The following NPAS3 variants were observed in gnomAD, a reference collection of about 807,000 sequenced individuals.
NPAS3 encodes the protein neuronal PAS domain-containing protein 3.
A neutral mutation model predicts 73.1 loss-of-function variants in NPAS3; 14 were observed. That is an observed-to-expected ratio of 0.19 (90% CI 0.13 to 0.30). NPAS3 has a LOEUF of 0.30. NPAS3 is among the 10% of genes least tolerant of loss of function. The pLI, the probability that NPAS3 is intolerant of heterozygous loss-of-function variation, is 1.00. For synonymous variants in NPAS3, 620 were observed against 541.5 expected (o/e 1.14, Z -2.01); for missense variants, 1,096 against 1,250.0 (o/e 0.88, Z 1.86).
At chr14:33,443,796 G>A (rs1298836600) in intron 4 of NPAS3, among the ~76,000 whole-genome samples, 1 of 152,208 alleles carries the variant, frequency 6.6e-6, no homozygotes, top group Non-Finnish European at 1.5e-5. Context: ...AGCCTGCTAG[G>A]TGGAAGAGAT....
intron 2 of NPAS3, among the ~76,000 whole-genome samples, chr14:33,208,794 A>G (rs1278217233): frequency 3.9e-5 from 6 of 152,186 alleles, no homozygotes; most frequent in East Asian, 1.9e-4. Flanking sequence ...TTTTGCTGCT[A>G]TGTTACACTT....
chr14:33,368,271 T>C (rs2045929318), intron 4 of NPAS3, among the ~76,000 whole-genome samples: 1 of 151,466 alleles, frequency 6.6e-6, no homozygotes, highest in Non-Finnish European at 1.5e-5. Flanking sequence ...TATTATCTTT[T>C]AAGTATGTGC....
rs375419449 is a variant in NPAS3, at chr14:33,092,564, A to G, written c.140+36570A>G. Among the ~76,000 whole-genome samples the G allele has an allele frequency of 6.6e-4, 101 of 152,344 alleles. No individual in the cohort carries two copies. The South Asian group carries it at 0.021, about 32-fold the overall frequency. On this transcript the variant is annotated intron_variant, in intron 2 of 11. Coordinates refer to ENST00000356141, the Ensembl canonical transcript of NPAS3. ...CTGTCCAAGGTAATTTATAGATTCA[A>G]TGCCATCCCCATCAAGCTACCAATA...
At chr14:33,226,052 C>A (rs1441655673) in intron 3 of NPAS3, among the ~76,000 whole-genome samples, 1 of 152,154 alleles carries the variant, frequency 6.6e-6, no homozygotes, top group African/African-American at 2.4e-5. Context: ...GTTTCAATAG[C>A]TATCCATAGA....
intron 4 of NPAS3, among the ~76,000 whole-genome samples, chr14:33,502,694 A>G (rs1336846940): frequency 6.6e-6 from 1 of 151,844 alleles, no homozygotes; most frequent in Admixed American, 6.6e-5. Context: ...CTGCTGCGCC[A>G]TCTCCAAGCC....
chr14:33,668,513 T>C (rs1251475106), intron 5 of NPAS3, among the ~76,000 whole-genome samples: 1 of 152,182 alleles, frequency 6.6e-6, no homozygotes, highest in Non-Finnish European at 1.5e-5. Context: ...TCCAGTTACC[T>C]TTCTTTAAAA....
rs1451520806 is a variant in NPAS3, at chr14:33,070,838, G to A, written c.140+14844G>A. On this transcript the variant is annotated intron_variant, in intron 2 of 11. Coordinates refer to ENST00000356141, the Ensembl canonical transcript of NPAS3. ...GGTAAGGCACAAAGAATGCTTGAGGGACTTTGTGCGACATAGGTATAAATA... is the reference window on the plus strand; with the variant it reads ...GGTAAGGCACAAAGAATGCTTGAGGAACTTTGTGCGACATAGGTATAAATA... Among the ~76,000 whole-genome samples, 3 of 152,160 alleles carry A rather than the reference G, an allele frequency of 2.0e-5. No individual in the cohort carries two copies. The East Asian group carries it at 5.8e-4, about 29-fold the overall frequency.
At chr14:33,352,817 T>C (rs2045133866) in intron 3 of NPAS3, among the ~76,000 whole-genome samples, 1 of 152,134 alleles carries the variant, frequency 6.6e-6, no homozygotes, top group South Asian at 2.1e-4. Context: ...TGCAACAATA[T>C]ATAAAGCTTA....
At chr14:33,599,175 C>T (rs913892145) in intron 5 of NPAS3, among the ~76,000 whole-genome samples, 1 of 152,146 alleles carries the variant, frequency 6.6e-6, no homozygotes, top group East Asian at 1.9e-4. Flanking sequence ...TTTATGTGTC[C>T]GTATTTATTT....
At chr14:32,947,588 C>T (rs1411142635) in intron 1 of NPAS3, among the ~76,000 whole-genome samples, 2 of 151,754 alleles carry the variant, frequency 1.3e-5, no homozygotes, top group Non-Finnish European at 2.9e-5. Flanking sequence ...ATGATACACA[C>T]ATATATATAC....
rs1566985364 is a variant in NPAS3, at chr14:33,541,124, T to TGTGTGTGTGTGC, written c.469-18994_469-18993insTGTGTGTGCGTG. 6.2e-3 allele frequency among the ~76,000 whole-genome samples: 943 copies of TGTGTGTGTGTGC among 150,960 alleles called. 9 individuals carry two copies. The highest frequency in any genetic ancestry group is 0.022 in the African/African-American group (881 of 40,592). ...GTGTGTGTGTGTGTGTGTGTGTGTGTGTGCATGCACACACACACATTAGTA... is the reference window on the plus strand; with the variant it reads ...GTGTGTGTGTGTGTGTGTGTGTGTGTGTGTGTGTGTGCGTGCATGCACACACACACATTAGTA... On this transcript the variant is annotated intron_variant, in intron 4 of 11. Transcript: ENST00000356141.
At chr14:33,157,714 T>C (rs1346967528) in intron 2 of NPAS3, among the ~76,000 whole-genome samples, 1 of 152,226 alleles carries the variant, frequency 6.6e-6, no homozygotes. Context: ...ATGTACCTTA[T>C]GTAAGACCGG....
chr14:32,974,216 T>G (rs2037558428), intron 1 of NPAS3, among the ~76,000 whole-genome samples: 1 of 152,196 alleles, frequency 6.6e-6, no homozygotes, highest in Non-Finnish European at 1.5e-5. Context: ...TTCATAAATA[T>G]TTAGTTGAAC....
intron 4 of NPAS3, among the ~76,000 whole-genome samples, chr14:33,412,279 C>T (rs929473153): frequency 5.9e-5 from 9 of 151,924 alleles, no homozygotes; most frequent in South Asian, 2.1e-4. Context: ...CCACCACTCC[C>T]GGCTAAATTT....
In NPAS3 at chr14:33,309,571, G is replaced by T. The variant is rs1178278736; in HGVS notation, c.386-57615G>T. On this transcript the variant is annotated intron_variant, in intron 3 of 11. Coordinates refer to ENST00000356141, the Ensembl canonical transcript of NPAS3. ...AATTCCTGGATCTCTAAGAAGCTTGGAGTAGTTTGTAAAGCAACCTGAAAT... is the reference window on the plus strand; with the variant it reads ...AATTCCTGGATCTCTAAGAAGCTTGTAGTAGTTTGTAAAGCAACCTGAAAT... Among the ~76,000 whole-genome samples the T allele has an allele frequency of 2.6e-5, 4 of 152,300 alleles. No homozygotes were observed. The East Asian group carries it at 7.7e-4, about 29-fold the overall frequency.
intron 9 of NPAS3, among the ~76,000 whole-genome samples, chr14:33,792,070 G>C (rs761211023): frequency 6.6e-6 from 1 of 152,190 alleles, no homozygotes; most frequent in Non-Finnish European, 1.5e-5. Context: ...AGCACATCTT[G>C]TTGCATGCAA....
At chr14:32,947,247 C>T (rs563410730) in intron 1 of NPAS3, among the ~76,000 whole-genome samples, 2 of 152,204 alleles carry the variant, frequency 1.3e-5, no homozygotes, top group South Asian at 4.1e-4. Flanking sequence ...CTTTCTGCTA[C>T]AGTAACACTG....
At chr14:32,941,909 T>C (rs1487703478) in intron 1 of NPAS3, among the ~76,000 whole-genome samples, 8 of 152,240 alleles carry the variant, frequency 5.3e-5, no homozygotes, top group Admixed American at 2.0e-4. Context: ...TTTTAAATGC[T>C]CTTAACACTT....
At chr14:33,264,511 T>C (rs2049099602) in intron 3 of NPAS3, among the ~76,000 whole-genome samples, 1 of 152,292 alleles carries the variant, frequency 6.6e-6, no homozygotes, top group Admixed American at 6.5e-5. Flanking sequence ...CATTTAATAT[T>C]ATGTACTGTG....
Sources: gnomAD v4.1 joint callset for allele counts (sites outside exome capture counted in the v4.1 genomes callset) on GRCh38, gnomAD v4.1.1 for gene constraint, MANE v1.5 for transcripts, NCBI Gene and HGNC (gene_info 2026-07-23, HGNC 2026-07-21) for gene names.